Variants in GASK1A observed in about 807,000 individuals in gnomAD.
GASK1A encodes Golgi-associated kinase 1A.
In GASK1A, 40 loss-of-function variants were observed where a neutral mutation model predicts 41.2. The ratio of observed to expected loss-of-function variants is 0.97; its 90% confidence interval spans 0.75 to 1.27. The LOEUF is 1.27. GASK1A is among the 50% of genes most tolerant of loss of function. GASK1A has a pLI of 0.00. For missense variants in GASK1A, 678 were observed against 745.1 expected, an observed-to-expected ratio of 0.91 and a Z score of 1.05; for synonymous variants, 316 against 307.1, an observed-to-expected ratio of 1.03 and a Z score of -0.30.
At position 43,033,488 on chromosome 3, in the gene GASK1A, G is replaced by A; in HGVS notation, c.1225G>A (p.Ala409Thr). ...LAHSCNWPGQ[A>T]PCPGIHHTEW... The stretch of plus-strand genomic sequence containing the variant: ...ACACAGCTGCAACTGGCCAGGCCAG[G>A]CCCCGTGCCCGGGCATCCACCATAC... The change falls in exon 2 of 5, where the codon GCC (alanine) becomes ACC (threonine). Residue 409 changes from alanine to threonine, a missense_variant. Transcript: ENST00000430121. The A allele has an allele frequency of 6.5e-7, 1 of 1,550,226 alleles. No individual in the cohort carries two copies.
At position 43,056,410 on chromosome 3, in the gene GASK1A, G is replaced by T; in HGVS notation, c.*24G>T. 1.3e-6 allele frequency: 2 copies of T among 1,497,860 alleles called. No homozygotes were observed. The highest frequency in any genetic ancestry group is 2.6e-5 in the South Asian group (2 of 77,278). 92.8% of individuals were successfully genotyped at this position (1,497,860 alleles called of 1,614,324 possible). ...AAGCCGCACACAGCCCTGAGTCAAT[G>T]AGCATCCATCCTGATGGCCACATTT... On this transcript the variant is annotated 3_prime_UTR_variant, in exon 5 of 5. Coordinates refer to ENST00000430121, the MANE Select transcript of GASK1A (RefSeq NM_001129908.3).
At chr3:42,997,090 A>C (rs1224520947) in intron 1 of GASK1A, among the ~76,000 whole-genome samples, 1 of 152,250 alleles carries the variant, frequency 6.6e-6, no homozygotes, top group Non-Finnish European at 1.5e-5. Flanking sequence ...GTCCAGGCCG[A>C]GGGGCCCTGT....
At chr3:43,053,880 T>C in intron 3 of GASK1A, 1 of 608,924 alleles carries the variant, frequency 1.6e-6, no homozygotes, top group South Asian at 1.6e-5. Flanking sequence ...GCTGGAGCCT[T>C]GTTTTCACTG....
Position 43,033,367 on chromosome 3 carries a change from C to G in GASK1A, c.1104C>G (p.Val368=). 6.4e-7 allele frequency: 1 copy of G among 1,551,608 alleles called. No individual in the cohort carries two copies. Among genetic ancestry groups the G allele is most frequent in the Non-Finnish European group, 8.7e-7 (1 of 1,146,950 alleles). Residue 368 remains valine (V), a synonymous_variant, in exon 2 of 5, where the codon GTC becomes GTG. Transcript: ENST00000430121. ...YRYTDGGARP[V]IWWAPDVQHL... ...ACACAGACGGTGGAGCAAGGCCTGT[C>G]ATCTGGTGGGCACCCGATGTGCAGC...
chr3:43,033,032 G>C lies in GASK1A; in HGVS notation c.769G>C (p.Ala257Pro). The C allele has an allele frequency of 6.4e-7, 1 of 1,551,704 alleles. No homozygotes were observed. The highest frequency in any genetic ancestry group is 8.7e-7 in the Non-Finnish European group (1 of 1,147,004). Residue 257 changes from alanine to proline, a missense_variant, in exon 2 of 5, where the codon GCT becomes CCT. Physicochemically the swap from Ala to Pro is conservative, Grantham distance 27. Transcript: ENST00000430121. ...LLSSSRTGGQ[A>P]PPWLTDHDVQ... is the part of the protein sequence containing the mutation. ...GAGCAGCTCGAGGACTGGTGGGCAG[G>C]CTCCCCCATGGCTGACAGACCACGA...
At chr3:43,002,336 G>T (rs1443345296) in intron 1 of GASK1A, among the ~76,000 whole-genome samples, 2 of 152,188 alleles carry the variant, frequency 1.3e-5, no homozygotes, top group African/African-American at 4.8e-5. Flanking sequence ...GGGTAATTCT[G>T]ATCTGGACTT....
chr3:43,053,469 G>C, intron 2 of GASK1A, 52 bp from the exon 3 acceptor site: 2 of 1,491,318 alleles, frequency 1.3e-6, no homozygotes, highest in East Asian at 2.5e-5. Flanking sequence ...TGCTATGCCT[G>C]GTGGAGGCAG....
chr3:43,009,744 C>G (rs965611146), intron 1 of GASK1A, among the ~76,000 whole-genome samples: 1 of 152,182 alleles, frequency 6.6e-6, no homozygotes, highest in Non-Finnish European at 1.5e-5. Context: ...TGGTGGAGAC[C>G]TCAGGTGGTG....
At chr3:43,051,340 C>T (rs2089687313) in intron 2 of GASK1A, among the ~76,000 whole-genome samples, 2 of 152,196 alleles carry the variant, frequency 1.3e-5, no homozygotes. Context: ...TCATGAATTT[C>T]CGGAGCCAGT....
chr3:42,996,925 A>G (rs961765637), intron 1 of GASK1A, among the ~76,000 whole-genome samples: 1 of 152,210 alleles, frequency 6.6e-6, no homozygotes, highest in Admixed American at 6.5e-5. Flanking sequence ...CTGAGAGGCC[A>G]TTTGTCTTTC....
chr3:43,022,296 G>C (rs1322524260), intron 1 of GASK1A, among the ~76,000 whole-genome samples: 1 of 152,026 alleles, frequency 6.6e-6, no homozygotes, highest in Admixed American at 6.6e-5. Context: ...GCTCATGGCC[G>C]TTTTGAACTT....
chr3:43,044,140 G>T (rs957005805), intron 2 of GASK1A, among the ~76,000 whole-genome samples: 3 of 152,204 alleles, frequency 2.0e-5, no homozygotes, highest in African/African-American at 7.2e-5. Context: ...TTTGGTGGGA[G>T]CAAGGGGGTT....
chr3:43,011,321 G>T (rs968472765), intron 1 of GASK1A, among the ~76,000 whole-genome samples: 4 of 150,222 alleles, frequency 2.7e-5, no homozygotes, highest in African/African-American at 9.9e-5. Context: ...GGCAGAGGTT[G>T]CAGTGAGCCG....
chr3:43,044,398 A>G (rs1016361261), intron 2 of GASK1A, among the ~76,000 whole-genome samples: 4 of 152,118 alleles, frequency 2.6e-5, no homozygotes, highest in African/African-American at 7.2e-5. Flanking sequence ...GGGGGTGAGG[A>G]CAGTGCTTTT....
At chr3:43,018,386 A>G (rs1381380088) in intron 1 of GASK1A, among the ~76,000 whole-genome samples, 2 of 152,170 alleles carry the variant, frequency 1.3e-5, no homozygotes, top group African/African-American at 4.8e-5. Context: ...TCACCTCACA[A>G]GTCAGATGTT....
intron 1 of GASK1A, among the ~76,000 whole-genome samples, chr3:43,011,097 A>G (rs1424132835): frequency 5.9e-5 from 9 of 152,228 alleles, no homozygotes; most frequent in Admixed American, 5.9e-4. Context: ...GCAGATTAAG[A>G]AATGGGCCAG....
chr3:42,980,962 G>C (rs895489486), intron 1 of GASK1A, among the ~76,000 whole-genome samples: 10 of 152,182 alleles, frequency 6.6e-5, no homozygotes, highest in Admixed American at 3.3e-4. Context: ...TAGCATGCTG[G>C]AGTCTCCTGG....
At chr3:43,013,783 G>A (rs1056717698) in intron 1 of GASK1A, among the ~76,000 whole-genome samples, 1 of 151,954 alleles carries the variant, frequency 6.6e-6, no homozygotes, top group Non-Finnish European at 1.5e-5. Flanking sequence ...GCTACGTGAA[G>A]TCACAGGAAG....
chr3:42,979,993 T>G (rs1263340757), intron 1 of GASK1A, among the ~76,000 whole-genome samples: 1 of 152,214 alleles, frequency 6.6e-6, no homozygotes, highest in African/African-American at 2.4e-5. Context: ...CGGCAGCCTC[T>G]GATGAGATGC....
Sources: allele counts gnomAD v4.1 joint callset (sites outside exome capture counted in the v4.1 genomes callset), GRCh38; gene constraint gnomAD v4.1.1; transcripts MANE v1.5; gene names NCBI Gene and HGNC (gene_info 2026-07-23, HGNC 2026-07-21).